AMN1: variants seen among roughly 807,000 people sequenced by gnomAD.
AMN1 encodes the protein protein AMN1 homolog.
AMN1 carries 20 observed loss-of-function variants against 33.0 expected under a neutral mutation model. That is an observed-to-expected ratio of 0.61 (90% confidence interval 0.43 to 0.88). The LOEUF is 0.88. Ranked by LOEUF, AMN1 falls within the 40% of genes least tolerant of loss-of-function variation. The pLI is 0.00. For synonymous variants in AMN1, 114 were observed against 111.9 expected (o/e 1.02, Z -0.12); for missense variants, 246 against 307.4 (o/e 0.80, Z 1.49).
intron 1 of AMN1, among the ~76,000 whole-genome samples, chr12:31,720,975 T>C (rs754038429): frequency 8.5e-5 from 13 of 152,200 alleles, no homozygotes; most frequent in Non-Finnish European, 1.6e-4. Flanking sequence ...GTGGCTCATA[T>C]CTATAATCCC....
intron 1 of AMN1, among the ~76,000 whole-genome samples, chr12:31,712,669 T>G (rs1370829865): frequency 6.6e-6 from 1 of 152,170 alleles, no homozygotes; most frequent in Non-Finnish European, 1.5e-5. Flanking sequence ...TTATTTTTAT[T>G]TTTTTGAGAC....
intron 3 of AMN1, among the ~76,000 whole-genome samples, chr12:31,699,016 G>A (rs1938860618): frequency 1.3e-5 from 2 of 152,092 alleles, no homozygotes; most frequent in Admixed American, 6.6e-5. Context: ...TAGAGGGTTA[G>A]AACATTCAGC....
Position 31,709,371 on chromosome 12 carries a change from A to T in AMN1, c.93T>A (p.Pro31=). The change falls in exon 2 of 7, where the codon CCT becomes CCA. Residue 31 remains proline, a synonymous_variant. Transcript: ENST00000281471. Reference sequence around the variant, plus strand: ...GTCTGTCTTTTATGTTGGGAGGCAAAGGCTTAATGTCTGTGAGATATCTGG... The same window carrying T: ...GTCTGTCTTTTATGTTGGGAGGCAATGGCTTAATGTCTGTGAGATATCTGG... ...NISRYLTDIK[P]LPPNIKDRLI... 6.2e-7 allele frequency: 1 copy of T among 1,613,858 alleles called. No homozygotes were observed. Among genetic ancestry groups the T allele is most frequent in the Middle Eastern group, 1.6e-4 (1 of 6,062 alleles).
intron 1 of AMN1, chr12:31,715,464 GT>G: frequency 5.3e-6 from 1 of 188,830 alleles, no homozygotes; most frequent in Non-Finnish European, 1.1e-5. Context: ...TGTTCTCTTT[GT>G]TAGCTTCCAT....
chr12:31,727,783 C>A lies in AMN1; in HGVS notation c.38+1188G>T, dbSNP rs56034240. On this transcript the variant is annotated intron_variant, in intron 1 of 6. Transcript: ENST00000281471. ...TCGCTCTGTCGCCTAGCAGCCTAGGCGTGCAGTGGCGCGATCTCAGCTCAC... is the reference window on the plus strand; with the variant it reads ...TCGCTCTGTCGCCTAGCAGCCTAGGAGTGCAGTGGCGCGATCTCAGCTCAC... Among the ~76,000 whole-genome samples the A allele has an allele frequency of 9.6e-3, 1,467 of 152,270 alleles. 24 individuals are homozygous for A. Among genetic ancestry groups the A allele is most frequent in the African/African-American group, 0.033 (1,378 of 41,550 alleles).
chr12:31,674,146 C>T (rs1349333727), intron 6 of AMN1, among the ~76,000 whole-genome samples: 5 of 151,952 alleles, frequency 3.3e-5, no homozygotes, highest in African/African-American at 9.7e-5. Flanking sequence ...CGGTGGCTCA[C>T]GCCTGCAATC....
intron 4 of AMN1, 74 bp from the exon 5 acceptor site, chr12:31,697,491 T>G: frequency 7.1e-7 from 1 of 1,412,918 alleles, no homozygotes; most frequent in Non-Finnish European, 1.0e-6. Context: ...ATGTATTCAT[T>G]ATTTAGATAT....
chr12:31,727,315 A>G (rs1940114476), intron 1 of AMN1, among the ~76,000 whole-genome samples: 1 of 152,102 alleles, frequency 6.6e-6, no homozygotes, highest in African/African-American at 2.4e-5. Flanking sequence ...GTGTCTCCCT[A>G]TTTCCAACTT....
chr12:31,686,552 T>A (rs1938270804), intron 6 of AMN1, among the ~76,000 whole-genome samples: 1 of 152,310 alleles, frequency 6.6e-6, no homozygotes, highest in East Asian at 1.9e-4. Context: ...ATACACAAAG[T>A]CGAAAATGTG....
At chr12:31,673,774 C>T (rs1035155368) in intron 6 of AMN1, 2 of 282,032 alleles carry the variant, frequency 7.1e-6, no homozygotes, top group Middle Eastern at 4.2e-4. Flanking sequence ...GGATTACATA[C>T]CATGACCAAC....
chr12:31,677,163 A>G (rs939891138), intron 6 of AMN1, among the ~76,000 whole-genome samples: 2 of 151,988 alleles, frequency 1.3e-5, no homozygotes, highest in Non-Finnish European at 2.9e-5. Flanking sequence ...AGCTGGGCGT[A>G]GTGGCGTGCA....
At chr12:31,716,041 C>G (rs918543235) in intron 1 of AMN1, among the ~76,000 whole-genome samples, 3 of 152,154 alleles carry the variant, frequency 2.0e-5, no homozygotes, top group African/African-American at 7.2e-5. Context: ...AGTAATGTCT[C>G]TCTTTATCCG....
intron 2 of AMN1, 106 bp downstream of exon 2, chr12:31,709,187 T>A (rs759028691): frequency 2.0e-5 from 26 of 1,285,198 alleles, no homozygotes; most frequent in African/African-American, 4.5e-5. Flanking sequence ...AAAAAAAAAA[T>A]TAAAAATGAT....
At chr12:31,720,347 C>T (rs1256672298) in intron 1 of AMN1, among the ~76,000 whole-genome samples, 1 of 152,032 alleles carries the variant, frequency 6.6e-6, no homozygotes, top group Admixed American at 6.6e-5. Context: ...TCGAGACCAG[C>T]CTGACCAACA....
At chr12:31,726,647 A>G (rs1940083295) in intron 1 of AMN1, among the ~76,000 whole-genome samples, 1 of 152,240 alleles carries the variant, frequency 6.6e-6, no homozygotes, top group South Asian at 2.1e-4. Flanking sequence ...TGGACTAAAT[A>G]ATGTGCTTAG....
intron 1 of AMN1, among the ~76,000 whole-genome samples, chr12:31,725,819 C>T (rs1940040079): frequency 6.6e-6 from 1 of 152,194 alleles, no homozygotes; most frequent in African/African-American, 2.4e-5. Context: ...TCTCAGCCTC[C>T]CAAGTAGCTG....
intron 3 of AMN1, among the ~76,000 whole-genome samples, chr12:31,701,218 C>T (rs993914085): frequency 2.0e-5 from 3 of 151,774 alleles, no homozygotes; most frequent in Non-Finnish European, 4.4e-5. Flanking sequence ...AGGCTGGTCT[C>T]GAACTCCTGA....
chr12:31,702,119 A>G, intron 2 of AMN1, 112 bp from the exon 3 acceptor site: 1 of 947,418 alleles, frequency 1.1e-6, no homozygotes, highest in Non-Finnish European at 1.5e-6. Context: ...TGTAAAATAC[A>G]GCAAAGAATA....
chr12:31,679,794 T>C (rs1298458090), intron 6 of AMN1, among the ~76,000 whole-genome samples: 1 of 152,134 alleles, frequency 6.6e-6, no homozygotes, highest in Non-Finnish European at 1.5e-5. Flanking sequence ...GTGAACTTAC[T>C]GATAATCATT....
Sources: allele counts gnomAD v4.1 joint callset (sites outside exome capture counted in the v4.1 genomes callset), GRCh38; gene constraint gnomAD v4.1.1; transcripts MANE v1.5; gene names NCBI Gene and HGNC (gene_info 2026-07-23, HGNC 2026-07-21).